APLP2: variants seen among roughly 807,000 people sequenced by gnomAD.
APLP2 encodes the protein CDEI box-binding protein.
A neutral mutation model predicts 89.9 loss-of-function variants in APLP2; 53 were observed. That is an observed-to-expected ratio of 0.59 (90% CI 0.47 to 0.74). APLP2 has a LOEUF of 0.74. APLP2 is among the 30% of genes least tolerant of loss of function. The pLI is 0.00. For synonymous variants in APLP2, 372 were observed against 348.6 expected (o/e 1.07, Z -0.75); for missense variants, 973 against 975.9 (o/e 1.00, Z 0.04).
intron 1 of APLP2, among the ~76,000 whole-genome samples, chr11:130,085,054 G>T (rs924444254): frequency 2.0e-5 from 3 of 152,106 alleles, no homozygotes; most frequent in Non-Finnish European, 4.4e-5. Context: ...AGAAGAAATG[G>T]GTAAATTTCT....
chr11:130,126,622 A>G, intron 7 of APLP2, 78 bp from the exon 8 acceptor site: 2 of 1,547,542 alleles, frequency 1.3e-6, no homozygotes, highest in East Asian at 2.3e-5. Flanking sequence ...TCCATCCTGC[A>G]GGTCCTGAGC....
chr11:130,133,914 C>G (rs540252334), intron 12 of APLP2, among the ~76,000 whole-genome samples, 186 bp downstream of exon 12: 23 of 152,352 alleles, frequency 1.5e-4, no homozygotes, highest in African/African-American at 5.5e-4. Flanking sequence ...GAACCAAGGA[C>G]AGGTGCACTG....
chr11:130,114,941 C>G (rs958445265), intron 3 of APLP2, among the ~76,000 whole-genome samples: 1 of 152,164 alleles, frequency 6.6e-6, no homozygotes, highest in Admixed American at 6.5e-5. Context: ...TGCAAGTCTT[C>G]TAGCCTTTGA....
chr11:130,127,882 T>G (rs769898146), intron 9 of APLP2, 42 bp downstream of exon 9: 1 of 1,569,666 alleles, frequency 6.4e-7, no homozygotes, highest in South Asian at 1.1e-5. Flanking sequence ...AGCCTGACCA[T>G]TGGAAAATAC....
At chr11:130,101,957 T>C (rs912632098) in intron 1 of APLP2, 6 of 456,154 alleles carry the variant, frequency 1.3e-5, no homozygotes, top group African/African-American at 8.0e-5. Context: ...CCCCGGTCTT[T>C]CCTGATCAGC....
chr11:130,102,504 T>A (rs1019459916), intron 1 of APLP2, among the ~76,000 whole-genome samples: 1 of 152,232 alleles, frequency 6.6e-6, no homozygotes, highest in Non-Finnish European at 1.5e-5. Flanking sequence ...GGGAAGATGC[T>A]CCCTCTATGG....
rs544399736 is a variant in APLP2 at position 130,071,381 on chromosome 11, A to G, written c.105+1299A>G. On this transcript the variant is annotated intron_variant, in intron 1 of 16. Coordinates refer to ENST00000338167, the MANE Select transcript of APLP2 (RefSeq NM_001142276.2). ...AAGAAAGGAGTTCAGCTTTAAAGAG[A>G]AATAGTTAACGTTTATCTACAGAGG... Among the ~76,000 whole-genome samples, 5 of 152,338 alleles carry G rather than the reference A, an allele frequency of 3.3e-5. No homozygotes were observed. The South Asian group carries it at 1.0e-3, about 32-fold the overall frequency.
rs369841312 is a variant in APLP2 at position 130,117,523 on chromosome 11, G to C, written c.404-3183G>C. ...ATGATCTCGGCTCACTGCAACCTCA[G>C]CCTCCTGAGTAGCTGGAATTACAGG... On this transcript the variant is annotated intron_variant, in intron 3 of 16. Transcript: ENST00000338167. 1.3e-4 allele frequency among the ~76,000 whole-genome samples: 20 copies of C among 151,978 alleles called. No individual in the cohort carries two copies. The East Asian group carries it at 2.7e-3, about 21-fold the overall frequency.
intron 1 of APLP2, among the ~76,000 whole-genome samples, chr11:130,107,561 A>C (rs1023945874): frequency 3.3e-5 from 5 of 152,220 alleles, no homozygotes; most frequent in African/African-American, 9.6e-5. Context: ...AATGAAATAA[A>C]AGAGGACACA....
At chr11:130,070,884 T>G (rs1421001859) in intron 1 of APLP2, 4 of 607,030 alleles carry the variant, frequency 6.6e-6, no homozygotes, top group African/African-American at 4.4e-5. Context: ...ACCCTGAGCA[T>G]CCCCGCTGCG....
At chr11:130,102,854 A>T (rs1947127234) in intron 1 of APLP2, among the ~76,000 whole-genome samples, 1 of 152,250 alleles carries the variant, frequency 6.6e-6, no homozygotes, top group African/African-American at 2.4e-5. Context: ...AAATTAATAA[A>T]ATGGAATTTC....
chr11:130,130,916 C>T (rs1458985235), intron 11 of APLP2, among the ~76,000 whole-genome samples: 2 of 152,178 alleles, frequency 1.3e-5, no homozygotes, highest in African/African-American at 4.8e-5. Flanking sequence ...AGGTAATGTG[C>T]CTAAAGGCCT....
At chr11:130,071,604 A>G (rs901480356) in intron 1 of APLP2, among the ~76,000 whole-genome samples, 2 of 152,240 alleles carry the variant, frequency 1.3e-5, no homozygotes, top group African/African-American at 2.4e-5. Context: ...TCCCACTGCT[A>G]TGACTAATTT....
At chr11:130,072,456 T>C (rs1369026963) in intron 1 of APLP2, among the ~76,000 whole-genome samples, 1 of 151,084 alleles carries the variant, frequency 6.6e-6, no homozygotes, top group Non-Finnish European at 1.5e-5. Context: ...CTTGGTGTGC[T>C]TCTGATAGGA....
Position 130,141,413 on chromosome 11 carries a change from G to T in APLP2, c.1924-85G>T. 1 of 1,109,338 alleles carries T rather than the reference G, an allele frequency of 9.0e-7. No homozygotes were observed. Among genetic ancestry groups the T allele is most frequent in the East Asian group, 2.4e-5 (1 of 42,422 alleles). The allele number at this position is 1,109,338 out of a possible 1,614,324, so 68.7% of individuals were successfully genotyped here. On this transcript the variant is annotated intron_variant, in intron 14 of 16. Transcript: ENST00000338167. This position sits in a 1 kb window ranked among gnomAD's most constrained non-coding sequence, Gnocchi z 4.2. ...GGTACCTGCTTCCTTCCATCAAGCA[G>T]CAGGTAGCAGAGGAAGGAGGCAGTA... is the stretch of plus-strand genomic sequence containing the variant.
At chr11:130,087,203 CTG>C (rs1214926943) in intron 1 of APLP2, among the ~76,000 whole-genome samples, 4 of 152,178 alleles carry the variant, frequency 2.6e-5, no homozygotes, top group African/African-American at 9.7e-5. Context: ...TTTAGAGTAA[CTG>C]TCATCAGCGT....
Position 130,135,731 on chromosome 11 carries a change from G to T in APLP2, c.1837+16G>T, listed in dbSNP as rs779412036. 6.2e-7 allele frequency: 1 copy of T among 1,613,094 alleles called. No homozygotes were observed. On this transcript the variant is annotated intron_variant, in intron 13 of 16. Transcript: ENST00000338167. ...GAGAACGAAGGTGTGTATGGGCGAC[G>T]GTGCCACTTCTGGGCAGCAGGGGGA... is the stretch of plus-strand genomic sequence containing the variant.
chr11:130,097,159 C>T (rs1476748175), intron 1 of APLP2, among the ~76,000 whole-genome samples: 2 of 152,160 alleles, frequency 1.3e-5, no homozygotes, highest in Non-Finnish European at 2.9e-5. Context: ...TTGTTATTTT[C>T]ATGGTTTTAA....
chr11:130,077,152 A>C (rs996411561), intron 1 of APLP2, among the ~76,000 whole-genome samples: 1 of 152,226 alleles, frequency 6.6e-6, no homozygotes, highest in African/African-American at 2.4e-5. Context: ...ATTTCTTCTG[A>C]AGAAATTATC....
Sources: gnomAD v4.1 joint callset for allele counts (sites outside exome capture counted in the v4.1 genomes callset) on GRCh38, gnomAD v4.1.1 for gene constraint, Gnocchi (gnomAD v3.1) non-coding constraint, MANE v1.5 for transcripts, NCBI Gene and HGNC (gene_info 2026-07-23, HGNC 2026-07-21) for gene names.